CEP43: variants seen among roughly 807,000 people sequenced by gnomAD.
The protein encoded by CEP43 is centrosomal protein 43.
CEP43 carries 36 observed loss-of-function variants against 52.6 expected under a neutral mutation model. The ratio of observed to expected loss-of-function variants is 0.68; its 90% confidence interval spans 0.52 to 0.90. The LOEUF (loss-of-function observed/expected upper bound fraction) is 0.90. Among genes scored for constraint, CEP43 ranks in the 40% least tolerant of loss-of-function variants. CEP43 has a pLI of 0.00. For synonymous variants in CEP43, 192 were observed against 172.4 expected (o/e 1.11, Z -0.89); for missense variants, 506 against 472.8 (o/e 1.07, Z -0.65).
intron 2 of CEP43, among the ~76,000 whole-genome samples, chr6:167,000,357 C>T (rs1779706613): frequency 6.6e-6 from 1 of 152,120 alleles, no homozygotes; most frequent in Admixed American, 6.5e-5. Context: ...AACAAATGGT[C>T]ATAGGAGTTT....
At position 167,041,062 on chromosome 6, in the gene CEP43, A is replaced by G; in HGVS notation, c.*1084A>G. On this transcript the variant is annotated 3_prime_UTR_variant, in exon 13 of 13. Coordinates refer to ENST00000366847, the MANE Select transcript of CEP43 (RefSeq NM_007045.4). Reference sequence around the variant, plus strand: ...ATGCATGCATATTTATATATAAGTAAAGCAGGATTGTGCTGTTTTTGCACT... The same window carrying G: ...ATGCATGCATATTTATATATAAGTAGAGCAGGATTGTGCTGTTTTTGCACT... 9.7e-7 allele frequency: 1 copy of G among 1,033,798 alleles called. No individual in the cohort carries two copies. Among genetic ancestry groups the G allele is most frequent in the Non-Finnish European group, 1.2e-6 (1 of 859,470 alleles). 64.0% of individuals were successfully genotyped at this position (1,033,798 alleles called of 1,614,324 possible).
intron 8 of CEP43, 92 bp downstream of exon 8, chr6:167,022,727 G>T: frequency 1.2e-6 from 1 of 848,084 alleles, no homozygotes; most frequent in South Asian, 1.8e-5. Flanking sequence ...AACTATGGAA[G>T]GTTTATAATT....
Position 167,044,646 on chromosome 6 carries a change from G to T in CEP43, c.*4668G>T. 1 of 787,556 alleles carries T rather than the reference G, an allele frequency of 1.3e-6. No individual in the cohort carries two copies. The highest frequency in any genetic ancestry group is 5.8e-5 in the South Asian group (1 of 17,362). 48.8% of individuals were successfully genotyped at this position (787,556 alleles called of 1,614,324 possible). A position where few individuals can be genotyped will look rare whatever the true frequency, so the allele number is the denominator to read the frequency against. On this transcript the variant is annotated 3_prime_UTR_variant, in exon 13 of 13. Transcript: ENST00000366847. The stretch of plus-strand genomic sequence containing the variant: ...CATGTTTTTAAAAATGAATCTTGCT[G>T]CCCTTAGAAAATGAACCCCCGAACA...
chr6:167,004,371 A>G lies in CEP43; in HGVS notation c.408A>G (p.Gln136=). Residue 136 remains glutamine, a synonymous_variant, in exon 5 of 13, where the codon CAA becomes CAG. Coordinates refer to ENST00000366847, the MANE Select transcript of CEP43 (RefSeq NM_007045.4). ...TATTAGAAGTGATCAGGCGCTGTCAACAGAAAGAAAAAGGGCCAACCACTG... is the reference window on the plus strand; with the variant it reads ...TATTAGAAGTGATCAGGCGCTGTCAGCAGAAAGAAAAAGGGCCAACCACTG... ...PLLLEVIRRC[Q]QKEKGPTTGE... The G allele has an allele frequency of 1.2e-6, 2 of 1,601,288 alleles. No individual in the cohort carries two copies. The highest frequency in any genetic ancestry group is 1.7e-6 in the Non-Finnish European group (2 of 1,174,380).
intron 12 of CEP43, among the ~76,000 whole-genome samples, chr6:167,034,725 G>A (rs1482424260): frequency 6.6e-6 from 1 of 152,162 alleles, no homozygotes. Context: ...AGCAGCATCC[G>A]TGTTTGCATT....
intron 7 of CEP43, 84 bp from the exon 8 acceptor site, chr6:167,022,325 G>A: frequency 1.1e-6 from 1 of 912,538 alleles, no homozygotes; most frequent in Non-Finnish European, 1.7e-6. Flanking sequence ...GTTTGATTAT[G>A]CTCATGAGAC....
At chr6:167,031,135 T>A (rs1233816554) in intron 10 of CEP43, among the ~76,000 whole-genome samples, 1 of 152,236 alleles carries the variant, frequency 6.6e-6, no homozygotes, top group African/African-American at 2.4e-5. Flanking sequence ...TTGCCCAGGC[T>A]GGTCTCAAAC....
intron 2 of CEP43, 46 bp downstream of exon 2, chr6:167,000,159 A>C: frequency 7.3e-7 from 1 of 1,374,142 alleles, no homozygotes; most frequent in Non-Finnish European, 1.0e-6. Context: ...GTTAATACTT[A>C]ATTTCTTATT....
At chr6:167,004,471 T>C (rs1779807530) in intron 5 of CEP43, 70 bp downstream of exon 5, 1 of 1,313,504 alleles carries the variant, frequency 7.6e-7, no homozygotes, top group Non-Finnish European at 1.0e-6. Context: ...TGCAGATTAG[T>C]GCATATATAG....
intron 12 of CEP43, 29 bp from the exon 13 acceptor site, chr6:167,039,875 A>G (rs1414180888): frequency 6.2e-7 from 1 of 1,610,744 alleles, no homozygotes; most frequent in Non-Finnish European, 8.5e-7. Flanking sequence ...TCTGACACTT[A>G]ATTATTTTCT....
intron 7 of CEP43, among the ~76,000 whole-genome samples, chr6:167,016,959 T>A (rs986647392): frequency 2.6e-5 from 4 of 151,746 alleles, no homozygotes; most frequent in Non-Finnish European, 4.4e-5. Context: ...TTATAAAAAA[T>A]AATAATACAA....
chr6:167,015,895 A>C (rs979572986), intron 7 of CEP43, among the ~76,000 whole-genome samples: 73 of 152,318 alleles, frequency 4.8e-4, no homozygotes, highest in African/African-American at 1.7e-3. Context: ...AATAAAGATT[A>C]AAGATAAAAG....
At chr6:167,006,256 C>G (rs180726230) in intron 5 of CEP43, among the ~76,000 whole-genome samples, 1 of 152,318 alleles carries the variant, frequency 6.6e-6, no homozygotes, top group Non-Finnish European at 1.5e-5. Context: ...GTAGCTCATG[C>G]CTGTAATCCC....
rs553801535 is a variant in CEP43 at position 167,030,935 on chromosome 6, C to T, written c.989-1668C>T. On this transcript the variant is annotated intron_variant, in intron 10 of 12. Coordinates refer to ENST00000366847, the MANE Select transcript of CEP43 (RefSeq NM_007045.4). Reference sequence around the variant, plus strand: ...TGCAACCAACCAAGCCCTAATGATCCGGCTTCTGCCAACCCTTCTGATCGC... The same window carrying T: ...TGCAACCAACCAAGCCCTAATGATCTGGCTTCTGCCAACCCTTCTGATCGC... Among the ~76,000 whole-genome samples, 426 of 151,482 alleles carry T rather than the reference C, an allele frequency of 2.8e-3. 1 individual carries two copies. Among genetic ancestry groups the T allele is most frequent in the African/African-American group, 9.9e-3 (409 of 41,388 alleles).
At chr6:167,028,618 G>T (rs898156183) in intron 10 of CEP43, 1 of 445,308 alleles carries the variant, frequency 2.2e-6, no homozygotes, top group African/African-American at 2.1e-5. Context: ...TGATGTTAGT[G>T]GTAAGTGCCT....
Position 167,003,783 on chromosome 6 carries a change from T to G in CEP43, c.272T>G (p.Leu91Trp), listed in dbSNP as rs767875750. The G allele has an allele frequency of 6.2e-7, 1 of 1,611,148 alleles. No individual in the cohort carries two copies. Among genetic ancestry groups the G allele is most frequent in the Non-Finnish European group, 8.5e-7 (1 of 1,177,854 alleles). The change falls in exon 4 of 13, where the codon TTG becomes TGG. Residue 91 changes from leucine (L) to tryptophan (W), a missense_variant. Transcript: ENST00000366847. ...FLQFFNLDFT[L>W]AVFQPETSTL... ...CAGTTTTTTAACCTTGACTTTACTT[T>G]GGCTGTTTTTCAACCTGAAACTAGC...
At position 167,002,568 on chromosome 6, in the gene CEP43, T is replaced by C. The variant is rs1346960043; in HGVS notation, c.157-625T>C. On this transcript the variant is annotated intron_variant, in intron 2 of 12. Coordinates refer to ENST00000366847, the MANE Select transcript of CEP43 (RefSeq NM_007045.4). ...ACCAAATTGCTGTCCAAACTCGTTA[T>C]GCCATTTTGCATTCCCATCAGCAGT... Among the ~76,000 whole-genome samples, 3 of 152,338 alleles carry C rather than the reference T, an allele frequency of 2.0e-5. No individual in the cohort carries two copies. The East Asian group carries it at 5.8e-4, about 29-fold the overall frequency.
At chr6:167,022,240 C>T (rs1391321205) in intron 7 of CEP43, among the ~76,000 whole-genome samples, 169 bp from the exon 8 acceptor site, 2 of 149,240 alleles carry the variant, frequency 1.3e-5, no homozygotes, top group Admixed American at 6.7e-5. Flanking sequence ...CTGCAGTTCA[C>T]GCTGCTGAGA....
intron 1 of CEP43, 37 bp downstream of exon 1, chr6:166,999,551 G>A (rs1279868679): frequency 1.5e-6 from 2 of 1,333,474 alleles, no homozygotes; most frequent in Non-Finnish European, 2.0e-6. Flanking sequence ...TGGCGGATCC[G>A]CAGGGCTTGC....
Sources: allele counts gnomAD v4.1 joint callset (sites outside exome capture counted in the v4.1 genomes callset), GRCh38; gene constraint gnomAD v4.1.1; transcripts MANE v1.5; gene names NCBI Gene and HGNC (gene_info 2026-07-23, HGNC 2026-07-21).